The following RASAL2 variants were observed in gnomAD, a reference collection of about 807,000 sequenced individuals.
RASAL2 encodes the protein RAS protein activator like 2.
In RASAL2, 58 loss-of-function variants were observed where a neutral mutation model predicts 128.9. That is an observed-to-expected ratio of 0.45 (90% CI 0.36 to 0.56). RASAL2 has a LOEUF of 0.56. Among genes scored for constraint, RASAL2 ranks in the 20% least tolerant of loss-of-function variants. The pLI, the probability that RASAL2 is intolerant of heterozygous loss-of-function variation, is 0.00. For synonymous variants in RASAL2, 561 were observed against 580.8 expected (o/e 0.97, Z 0.49); for missense variants, 1,360 against 1,601.6 (o/e 0.85, Z 2.57).
At chr1:178,114,399 T>A (rs1356666609) in intron 1 of RASAL2, among the ~76,000 whole-genome samples, 1 of 152,190 alleles carries the variant, frequency 6.6e-6, no homozygotes, top group African/African-American at 2.4e-5. Flanking sequence ...TGAGAGCTTT[T>A]TTAAATTTTA....
At chr1:178,293,218 G>C (rs1667356176) in intron 2 of RASAL2, among the ~76,000 whole-genome samples, 1 of 152,092 alleles carries the variant, frequency 6.6e-6, no homozygotes, top group African/African-American at 2.4e-5. Context: ...CAATTTTAAA[G>C]TGACATTTGA....
intron 1 of RASAL2, among the ~76,000 whole-genome samples, chr1:178,095,913 C>A (rs1229079481): frequency 6.6e-6 from 1 of 152,156 alleles, no homozygotes; most frequent in African/African-American, 2.4e-5. Context: ...ACTAGTGACC[C>A]TTTTAATCAT....
At chr1:178,113,066 C>CT (rs1373548544) in intron 1 of RASAL2, among the ~76,000 whole-genome samples, 3 of 151,986 alleles carry the variant, frequency 2.0e-5, no homozygotes, top group Non-Finnish European at 4.4e-5. Flanking sequence ...TGAAATTCTT[C>CT]TTTTTTTAAA....
intron 1 of RASAL2, among the ~76,000 whole-genome samples, chr1:178,251,036 A>G (rs1665031421): frequency 6.6e-6 from 1 of 152,162 alleles, no homozygotes; most frequent in Non-Finnish European, 1.5e-5. Flanking sequence ...GATCAGAGAA[A>G]GCAAGAGTGA....
intron 1 of RASAL2, among the ~76,000 whole-genome samples, chr1:178,262,912 T>C (rs77051391): frequency 0.041 from 6,179 of 152,142 alleles, 168 homozygotes; most frequent in Admixed American, 0.076. Context: ...ATATTTCATT[T>C]CTGCTTGTAA....
At chr1:178,199,320 A>G (rs920889270) in intron 1 of RASAL2, among the ~76,000 whole-genome samples, 1 of 152,044 alleles carries the variant, frequency 6.6e-6, no homozygotes, top group Non-Finnish European at 1.5e-5. Flanking sequence ...CCACTTTCTG[A>G]CCAGTCCCAA....
At chr1:178,349,349 C>T (rs1001868351) in intron 3 of RASAL2, among the ~76,000 whole-genome samples, 1 of 151,692 alleles carries the variant, frequency 6.6e-6, no homozygotes, top group African/African-American at 2.4e-5. Context: ...CACTTGAACC[C>T]GGAGGCAGAG....
In RASAL2 at chr1:178,299,992, A is replaced by G; in HGVS notation, c.331A>G (p.Ile111Val). The change falls in exon 3 of 18, where the codon ATA becomes GTA. Residue 111 changes from isoleucine (I) to valine (V), a missense_variant and splice_region_variant. By Grantham distance (29) the Ile-to-Val change is conservative. Coordinates refer to ENST00000367649, the MANE Select transcript of RASAL2 (RefSeq NM_170692.4). ...QLVLLNKEKEIPVEGGQEQQT... is the reference protein window; with the variant it reads ...QLVLLNKEKEVPVEGGQEQQT... ...TTATCTTTTGCTTTTGATTAACTAG[A>G]TACCTGTGGAAGGGGGACAGGAGCA... 6.2e-7 allele frequency: 1 copy of G among 1,613,152 alleles called. No individual in the cohort carries two copies. Among genetic ancestry groups the G allele is most frequent in the Non-Finnish European group, 8.5e-7 (1 of 1,179,740 alleles).
intron 4 of RASAL2, 80 bp from the exon 5 acceptor site, chr1:178,420,431 A>G (rs781045769): frequency 5.9e-6 from 5 of 844,576 alleles, no homozygotes; most frequent in Non-Finnish European, 9.0e-6. Context: ...AAAAGTCTAA[A>G]TACCTTTTGC....
At chr1:178,278,046 T>G (rs1666608574) in intron 1 of RASAL2, among the ~76,000 whole-genome samples, 1 of 152,102 alleles carries the variant, frequency 6.6e-6, no homozygotes, top group South Asian at 2.1e-4. Flanking sequence ...GGAGCAAAAG[T>G]TTAATAAGCA....
chr1:178,284,165 TG>T (rs1666913300), intron 2 of RASAL2, among the ~76,000 whole-genome samples: 1 of 152,186 alleles, frequency 6.6e-6, no homozygotes, highest in African/African-American at 2.4e-5. Flanking sequence ...GTTATCACCC[TG>T]GGCTTCCAAG....
chr1:178,318,494 A>G (rs981198971), intron 3 of RASAL2, among the ~76,000 whole-genome samples: 4 of 150,924 alleles, frequency 2.7e-5, no homozygotes, highest in Admixed American at 1.3e-4. Context: ...GGGTGCATAT[A>G]TATTTAGGAT....
chr1:178,102,552 GTTTTA>G (rs1658942474), intron 1 of RASAL2, among the ~76,000 whole-genome samples: 1 of 151,918 alleles, frequency 6.6e-6, no homozygotes, highest in African/African-American at 2.4e-5. Context: ...ATTTTATTGT[GTTTTA>G]TTCCAGTCTT....
intron 1 of RASAL2, among the ~76,000 whole-genome samples, chr1:178,099,016 A>G (rs2102215338): frequency 6.6e-6 from 1 of 152,334 alleles, no homozygotes; most frequent in East Asian, 1.9e-4. Flanking sequence ...TGGTTGTATT[A>G]TATGATACTG....
At chr1:178,238,577 G>A (rs1421506757) in intron 1 of RASAL2, among the ~76,000 whole-genome samples, 2 of 151,728 alleles carry the variant, frequency 1.3e-5, no homozygotes, top group South Asian at 2.1e-4. Context: ...TATTCATTCA[G>A]TAAAATATTT....
At chr1:178,197,719 C>CT (rs1254281811) in intron 1 of RASAL2, among the ~76,000 whole-genome samples, 7 of 151,616 alleles carry the variant, frequency 4.6e-5, no homozygotes, top group Non-Finnish European at 1.5e-5. Flanking sequence ...AATTATTATA[C>CT]TTTAAGTTCT....
chr1:178,329,628 C>T (rs933306421), intron 3 of RASAL2, among the ~76,000 whole-genome samples: 2 of 152,056 alleles, frequency 1.3e-5, no homozygotes, highest in African/African-American at 2.4e-5. Flanking sequence ...TCCAAGTGAA[C>T]GTGATGTCTA....
chr1:178,219,626 C>A (rs1202791655), intron 1 of RASAL2, among the ~76,000 whole-genome samples: 2 of 147,804 alleles, frequency 1.4e-5, no homozygotes, highest in African/African-American at 5.0e-5. Context: ...TGAGACTCTG[C>A]CTCAGGAAAA....
At chr1:178,137,865 G>A (rs1256307528) in intron 1 of RASAL2, among the ~76,000 whole-genome samples, 1 of 152,162 alleles carries the variant, frequency 6.6e-6, no homozygotes, top group Admixed American at 6.5e-5. Flanking sequence ...TTAAACTGTG[G>A]AAGAATATAT....
Sources: allele counts gnomAD v4.1 joint callset (sites outside exome capture counted in the v4.1 genomes callset), GRCh38; gene constraint gnomAD v4.1.1; transcripts MANE v1.5; gene names NCBI Gene and HGNC (gene_info 2026-07-23, HGNC 2026-07-21).